SBF2: variants seen among roughly 807,000 people sequenced by gnomAD.
SBF2 encodes the protein myotubularin-related protein 13.
A neutral mutation model predicts 225.2 loss-of-function variants in SBF2; 112 were observed. The observed-to-expected ratio is 0.50, with a 90% CI of 0.43 to 0.58. The LOEUF is 0.58. SBF2 is among the 20% of genes least tolerant of loss of function. The pLI, the probability that SBF2 is intolerant of heterozygous loss-of-function variation, is 0.00. For synonymous variants in SBF2, 763 were observed against 773.3 expected (o/e 0.99, Z 0.22); for missense variants, 1,996 against 2,206.2 (o/e 0.90, Z 1.91).
chr11:10,245,338 G>C (rs1489294177), intron 1 of SBF2, among the ~76,000 whole-genome samples: 1 of 98,080 alleles, frequency 1.0e-5, no homozygotes, highest in Non-Finnish European at 2.2e-5. Context: ...TTGATTCCAG[G>C]AGTTCCAGAC....
At chr11:9,898,772 A>G (rs1861478849) in intron 16 of SBF2, among the ~76,000 whole-genome samples, 1 of 152,232 alleles carries the variant, frequency 6.6e-6, no homozygotes, top group African/African-American at 2.4e-5. Context: ...AGATAGGCTC[A>G]AGCTTCCTAT....
At chr11:9,801,012 C>G (rs748448938) in intron 32 of SBF2, among the ~76,000 whole-genome samples, 4 of 152,008 alleles carry the variant, frequency 2.6e-5, no homozygotes, top group Non-Finnish European at 4.4e-5. Context: ...TATTGTTGGC[C>G]ACAAGATTTT....
intron 1 of SBF2, among the ~76,000 whole-genome samples, chr11:10,227,737 T>C (rs894568506): frequency 2.0e-5 from 3 of 152,220 alleles, no homozygotes; most frequent in Non-Finnish European, 4.4e-5. Flanking sequence ...TTGTATATAG[T>C]CTGAACTCAG....
intron 1 of SBF2, among the ~76,000 whole-genome samples, chr11:10,301,063 C>A (rs1964594987): frequency 6.6e-6 from 1 of 152,158 alleles, no homozygotes; most frequent in Admixed American, 6.5e-5. Flanking sequence ...CTGTTTTGTA[C>A]AGGAGCACAA....
At chr11:10,217,046 T>C (rs937590492) in intron 1 of SBF2, among the ~76,000 whole-genome samples, 5 of 152,148 alleles carry the variant, frequency 3.3e-5, no homozygotes, top group South Asian at 4.1e-4. Context: ...CCTTTCATAG[T>C]AGGTAATCAA....
chr11:10,135,063 G>C (rs1954281009), intron 2 of SBF2, among the ~76,000 whole-genome samples: 2 of 152,208 alleles, frequency 1.3e-5, no homozygotes, highest in African/African-American at 4.8e-5. Context: ...CTGAAACCTA[G>C]GTGGAGGTTC....
chr11:10,300,257 A>C (rs1417006994), intron 1 of SBF2, among the ~76,000 whole-genome samples: 1 of 152,206 alleles, frequency 6.6e-6, no homozygotes, highest in East Asian at 1.9e-4. Flanking sequence ...TGATGACTGC[A>C]TTGGTGATTA....
chr11:10,188,026 T>C (rs1591172546), intron 2 of SBF2, among the ~76,000 whole-genome samples: 1 of 152,208 alleles, frequency 6.6e-6, no homozygotes, highest in South Asian at 2.1e-4. Context: ...AAATTATTAT[T>C]ATCAGAGAGA....
At chr11:10,227,853 T>G (rs931768782) in intron 1 of SBF2, among the ~76,000 whole-genome samples, 5 of 151,882 alleles carry the variant, frequency 3.3e-5, no homozygotes, top group African/African-American at 9.7e-5. Context: ...TCCAATTCTG[T>G]GAAGAAAGTC....
intron 23 of SBF2, 118 bp from the exon 24 acceptor site, chr11:9,845,858 A>C: frequency 1.2e-6 from 1 of 857,590 alleles, no homozygotes; most frequent in Non-Finnish European, 1.9e-6. Flanking sequence ...GGGACTTTGG[A>C]TAACATGCAA....
chr11:9,814,101 G>A (rs1193107681), intron 29 of SBF2, among the ~76,000 whole-genome samples: 1 of 152,120 alleles, frequency 6.6e-6, no homozygotes, highest in Admixed American at 6.5e-5. Flanking sequence ...TGTGGTATGA[G>A]TGTTGCATTT....
intron 2 of SBF2, among the ~76,000 whole-genome samples, chr11:10,090,291 G>A (rs1390117210): frequency 6.6e-6 from 1 of 152,048 alleles, no homozygotes; most frequent in Non-Finnish European, 1.5e-5. Flanking sequence ...TATACTTAAT[G>A]CCACTGAACC....
chr11:9,891,733 T>C (rs767965655), intron 17 of SBF2, among the ~76,000 whole-genome samples: 1 of 152,132 alleles, frequency 6.6e-6, no homozygotes, highest in Admixed American at 6.5e-5. Context: ...TGTTACTTAG[T>C]AAAAGTGGAA....
chr11:10,091,799 C>A, intron 2 of SBF2, among the ~76,000 whole-genome samples: 1 of 152,228 alleles, frequency 6.6e-6, no homozygotes, highest in East Asian at 1.9e-4. Context: ...GTTTCCTGCA[C>A]AAGGAGATAA....
intron 1 of SBF2, among the ~76,000 whole-genome samples, chr11:10,237,425 C>G (rs1316632139): frequency 6.6e-6 from 1 of 150,434 alleles, no homozygotes; most frequent in Admixed American, 6.6e-5. Context: ...GCTTGGAGAC[C>G]ATACACTGAA....
chr11:10,232,795 G>A (rs1319055096), intron 1 of SBF2, among the ~76,000 whole-genome samples: 2 of 152,158 alleles, frequency 1.3e-5, no homozygotes, highest in Non-Finnish European at 2.9e-5. Flanking sequence ...TTTGGGAAAA[G>A]TTTATTTCCT....
At chr11:10,265,280 T>C (rs1043535601) in intron 1 of SBF2, among the ~76,000 whole-genome samples, 1 of 152,164 alleles carries the variant, frequency 6.6e-6, no homozygotes, top group African/African-American at 2.4e-5. Context: ...CCATTCTAAC[T>C]GGTGTGAGAT....
chr11:10,009,727 C>T (rs1948362409), intron 6 of SBF2, among the ~76,000 whole-genome samples: 1 of 152,186 alleles, frequency 6.6e-6, no homozygotes, highest in East Asian at 1.9e-4. Flanking sequence ...CATACGTGTG[C>T]ATGTGTCTTT....
chr11:10,004,138 C>G (rs1948088822), intron 6 of SBF2, among the ~76,000 whole-genome samples: 1 of 152,068 alleles, frequency 6.6e-6, no homozygotes, highest in African/African-American at 2.4e-5. Flanking sequence ...TTTTCCTAAT[C>G]CAGTCCTTAT....
Sources: gnomAD v4.1 joint callset for allele counts (sites outside exome capture counted in the v4.1 genomes callset) on GRCh38, gnomAD v4.1.1 for gene constraint, MANE v1.5 for transcripts, NCBI Gene and HGNC (gene_info 2026-07-23, HGNC 2026-07-21) for gene names.